The following PARP8 variants were observed in gnomAD, a reference collection of about 807,000 sequenced individuals.
The protein encoded by PARP8 is protein mono-ADP-ribosyltransferase PARP8.
In PARP8, 51 loss-of-function variants were observed where a neutral mutation model predicts 124.1. The ratio of observed to expected loss-of-function variants is 0.41; its 90% CI spans 0.33 to 0.52. The LOEUF is 0.52. Among genes scored for constraint, PARP8 ranks in the 20% least tolerant of loss-of-function variants. The pLI is 0.21. For synonymous variants in PARP8, 391 were observed against 361.5 expected, an observed-to-expected ratio of 1.08 and a Z score of -0.93; for missense variants, 860 against 1,018.9, an observed-to-expected ratio of 0.84 and a Z score of 2.12.
intron 2 of PARP8, among the ~76,000 whole-genome samples, chr5:50,732,182 T>G (rs1005661362): frequency 6.6e-6 from 1 of 151,818 alleles, no homozygotes; most frequent in African/African-American, 2.4e-5. Context: ...AGAACATTGG[T>G]TTCTTACTCA....
At chr5:50,711,648 G>A (rs916961508) in intron 2 of PARP8, among the ~76,000 whole-genome samples, 1 of 152,082 alleles carries the variant, frequency 6.6e-6, no homozygotes, top group African/African-American at 2.4e-5. Context: ...CCTTGGTTGA[G>A]CCGCTGAATT....
chr5:50,703,380 A>G (rs905808658), intron 2 of PARP8, among the ~76,000 whole-genome samples: 6 of 152,060 alleles, frequency 3.9e-5, no homozygotes, highest in African/African-American at 1.2e-4. Context: ...TCTGATTAAG[A>G]AATAATTTGT....
At chr5:50,815,591 TC>T in intron 15 of PARP8, 67 bp downstream of exon 15, 1 of 1,115,200 alleles carries the variant, frequency 9.0e-7, no homozygotes, top group African/African-American at 1.6e-5. Flanking sequence ...CCACTAGTTA[TC>T]TTCATTCTGC....
chr5:50,764,043 A>G (rs1760821248), intron 7 of PARP8, among the ~76,000 whole-genome samples: 1 of 152,182 alleles, frequency 6.6e-6, no homozygotes, highest in Non-Finnish European at 1.5e-5. Context: ...TTCAAATCCC[A>G]CTGCTGTCTG....
chr5:50,693,243 G>A (rs1294954498), intron 2 of PARP8, among the ~76,000 whole-genome samples: 1 of 152,170 alleles, frequency 6.6e-6, no homozygotes, highest in Admixed American at 6.5e-5. Flanking sequence ...ATGGGAATTA[G>A]CTACTATGGC....
intron 7 of PARP8, among the ~76,000 whole-genome samples, chr5:50,763,653 CTT>C (rs1760779264): frequency 6.6e-6 from 1 of 151,480 alleles, no homozygotes; most frequent in Non-Finnish European, 1.5e-5. Context: ...AAAAGTGTAA[CTT>C]TGCACAGTAC....
intron 25 of PARP8, among the ~76,000 whole-genome samples, chr5:50,840,774 G>A (rs1180721428): frequency 6.6e-6 from 1 of 151,838 alleles, no homozygotes; most frequent in Non-Finnish European, 1.5e-5. Flanking sequence ...CAGTAACAGA[G>A]CACTTACTGT....
At chr5:50,786,279 A>C (rs1304304960) in intron 9 of PARP8, among the ~76,000 whole-genome samples, 1 of 152,110 alleles carries the variant, frequency 6.6e-6, no homozygotes, top group African/African-American at 2.4e-5. Flanking sequence ...ATTCTTGCCA[A>C]ATGACTCATA....
At chr5:50,748,038 T>G (rs1302009246) in intron 2 of PARP8, among the ~76,000 whole-genome samples, 1 of 152,124 alleles carries the variant, frequency 6.6e-6, no homozygotes, top group African/African-American at 2.4e-5. Context: ...TTCAATGAAG[T>G]TATTGATATG....
At chr5:50,721,108 G>T (rs980980522) in intron 2 of PARP8, among the ~76,000 whole-genome samples, 1 of 151,478 alleles carries the variant, frequency 6.6e-6, no homozygotes, top group Non-Finnish European at 1.5e-5. Context: ...CCTTCCTTAG[G>T]GGGTGTGTAT....
intron 3 of PARP8, among the ~76,000 whole-genome samples, chr5:50,751,956 T>C (rs1759310474): frequency 6.6e-6 from 1 of 152,164 alleles, no homozygotes; most frequent in South Asian, 2.1e-4. Flanking sequence ...ACTTACGTGT[T>C]TGTTCTTCCT....
At chr5:50,735,148 C>T (rs1373025171) in intron 2 of PARP8, among the ~76,000 whole-genome samples, 1 of 151,958 alleles carries the variant, frequency 6.6e-6, no homozygotes, top group African/African-American at 2.4e-5. Context: ...TTTTGTTTGG[C>T]TTCTGGGTAG....
chr5:50,680,953 T>A (rs529836376), intron 2 of PARP8, among the ~76,000 whole-genome samples: 1 of 152,144 alleles, frequency 6.6e-6, no homozygotes, highest in South Asian at 2.1e-4. Context: ...GGCATCTGAC[T>A]ACCTTAAGTG....
At chr5:50,828,240 T>TA (rs1191882182) in intron 20 of PARP8, 72 bp from the exon 21 acceptor site, 1 of 1,451,556 alleles carries the variant, frequency 6.9e-7, no homozygotes, top group African/African-American at 1.4e-5. Context: ...CACCATGACT[T>TA]ATTATGTTTT....
Position 50,789,821 on chromosome 5 carries a change from A to C in PARP8, c.737+1232A>C, listed in dbSNP as rs77599847. ...TAAAGCCTGGTTTAGGCCTTTCATA[A>C]TGATGCAGTCTATATGATCACTTTT... On this transcript the variant is annotated intron_variant, in intron 10 of 25. Coordinates refer to ENST00000281631, the MANE Select transcript of PARP8 (RefSeq NM_024615.4). Among the ~76,000 whole-genome samples the C allele has an allele frequency of 2.3e-3, 347 of 152,338 alleles. 9 individuals are homozygous for C. In the East Asian group the frequency reaches 0.065, roughly 29 times the overall value.
At chr5:50,754,148 T>TACACACAC (rs1408563437) in intron 3 of PARP8, among the ~76,000 whole-genome samples, 1 of 22,424 alleles carries the variant, frequency 4.5e-5, no homozygotes, top group African/African-American at 1.5e-4. Context: ...TATATATATA[T>TACACACAC]ATACACACAC....
chr5:50,841,865 T>C lies in PARP8; in HGVS notation c.2463-101T>C. 3 of 752,518 alleles carry C rather than the reference T, an allele frequency of 4.0e-6. No individual in the cohort carries two copies. The South Asian group carries it at 6.1e-5, about 15-fold the overall frequency. The allele number at this position is 752,518 out of a possible 1,614,324, so 46.6% of individuals were successfully genotyped here. Reference sequence around the variant, plus strand: ...AAACAACCGTATAATTTGCTTTTGATTCTCTTGGGCTATATTTTAGGTATC... The same window carrying C: ...AAACAACCGTATAATTTGCTTTTGACTCTCTTGGGCTATATTTTAGGTATC... On this transcript the variant is annotated intron_variant, in intron 25 of 25. Transcript: ENST00000281631.
chr5:50,726,842 T>C (rs1756477101), intron 2 of PARP8, among the ~76,000 whole-genome samples: 1 of 152,110 alleles, frequency 6.6e-6, no homozygotes, highest in Admixed American at 6.6e-5. Flanking sequence ...CTGCTTTATT[T>C]GGTAGGTTGG....
rs1747996240 is a variant in PARP8 at position 50,839,936 on chromosome 5, A to C, written c.2463-2030A>C. ...TGGAGAGGAAATCTGTATTTGAATGATGAAGGAACTCGTATTGCCAATAAC... is the reference window on the plus strand; with the variant it reads ...TGGAGAGGAAATCTGTATTTGAATGCTGAAGGAACTCGTATTGCCAATAAC... On this transcript the variant is annotated intron_variant, in intron 25 of 25. Coordinates refer to ENST00000281631, the MANE Select transcript of PARP8 (RefSeq NM_024615.4). 1.3e-5 allele frequency among the ~76,000 whole-genome samples: 2 copies of C among 151,910 alleles called. 1 individual carries two copies. Among genetic ancestry groups the C allele is most frequent in the South Asian group, 4.1e-4 (2 of 4,826 alleles).
Sources: allele counts gnomAD v4.1 joint callset (sites outside exome capture counted in the v4.1 genomes callset), GRCh38; gene constraint gnomAD v4.1.1; transcripts MANE v1.5; gene names NCBI Gene and HGNC (gene_info 2026-07-23, HGNC 2026-07-21).